The following DLGAP2 variants were observed in gnomAD, a reference collection of about 807,000 sequenced individuals.
The protein encoded by DLGAP2 is DLG associated protein 2, also known as disks large-associated protein 2.
Under a neutral mutation model 100.3 loss-of-function variants are expected in DLGAP2, and 26 were observed. That is an observed-to-expected ratio of 0.26 (90% CI 0.19 to 0.36). The LOEUF (loss-of-function observed/expected upper bound fraction) is 0.36, where lower values mean the gene tolerates loss of function less well. Among genes scored for constraint, DLGAP2 ranks in the 10% least tolerant of loss-of-function variants. The pLI is 1.00. For synonymous variants in DLGAP2, 886 were observed against 630.1 expected, an observed-to-expected ratio of 1.41 and a Z score of -6.08; for missense variants, 1,858 against 1,453.2, an observed-to-expected ratio of 1.28 and a Z score of -4.53.
In DLGAP2 at chr8:1,595,233, G is replaced by T. The variant is rs190421216; in HGVS notation, c.1442+29339G>T. Among the ~76,000 whole-genome samples, 5 of 152,000 alleles carry T rather than the reference G, an allele frequency of 3.3e-5. No homozygotes were observed. In the East Asian group the frequency reaches 5.8e-4, roughly 18 times the overall value. ...TTTTTGTATTTTTAGGAGAGACAGG[G>T]TTTTGCCATGTTTCCCAGGTTTTAC... is the stretch of plus-strand genomic sequence containing the variant. On this transcript the variant is annotated intron_variant, in intron 6 of 14. Coordinates refer to ENST00000637795, the MANE Select transcript of DLGAP2 (RefSeq NM_001346810.2).
In DLGAP2 at chr8:1,344,013, G is replaced by C. The variant is rs1324652358; in HGVS notation, c.106+85130G>C. Among the ~76,000 whole-genome samples, 3 of 152,052 alleles carry C rather than the reference G, an allele frequency of 2.0e-5. No homozygotes were observed. In the South Asian group the frequency reaches 6.2e-4, roughly 32 times the overall value. ...TGCATTTACCAACGTCCTATTCACA[G>C]ATGTTTCCGGTTCATTCACAGAATA... is the stretch of plus-strand genomic sequence containing the variant. On this transcript the variant is annotated intron_variant, in intron 3 of 14. Transcript: ENST00000637795.
At chr8:1,029,006 C>T (rs547964954) in intron 2 of DLGAP2, among the ~76,000 whole-genome samples, 37 of 152,166 alleles carry the variant, frequency 2.4e-4, no homozygotes, top group African/African-American at 7.9e-4. Context: ...CTTGTGAGGG[C>T]GAGGGATCCA....
intron 2 of DLGAP2, among the ~76,000 whole-genome samples, chr8:1,176,378 G>A (rs13251186): frequency 0.5 from 76,180 of 151,568 alleles, 20,173 homozygotes; most frequent in Admixed American, 0.62. Flanking sequence ...GGGACACAGA[G>A]CCAAACCATA....
intron 2 of DLGAP2, among the ~76,000 whole-genome samples, chr8:1,230,869 C>G (rs1041648723): frequency 1.3e-5 from 2 of 152,056 alleles, no homozygotes; most frequent in African/African-American, 2.4e-5. Flanking sequence ...AGATGAATTA[C>G]AAATTTAAAT....
chr8:1,183,347 A>G (rs1490403718), intron 2 of DLGAP2, among the ~76,000 whole-genome samples: 4 of 152,188 alleles, frequency 2.6e-5, no homozygotes, highest in Non-Finnish European at 5.9e-5. Context: ...TAGCCTAGCA[A>G]TTATTTACTT....
intron 1 of DLGAP2, among the ~76,000 whole-genome samples, chr8:787,797 G>C (rs1821913678): frequency 1.3e-5 from 2 of 152,346 alleles, no homozygotes; most frequent in Admixed American, 1.3e-4. Context: ...CTCTACACTG[G>C]TGGTGCTGTT....
At chr8:1,107,935 G>A (rs558765295) in intron 2 of DLGAP2, among the ~76,000 whole-genome samples, 5 of 152,294 alleles carry the variant, frequency 3.3e-5, no homozygotes, top group African/African-American at 4.8e-5. Context: ...TGCACAGAAC[G>A]TAACCCTGGG....
intron 2 of DLGAP2, among the ~76,000 whole-genome samples, chr8:1,205,589 C>A (rs543195240): frequency 6.6e-6 from 1 of 152,178 alleles, no homozygotes; most frequent in Non-Finnish European, 1.5e-5. Context: ...AACACAGAGG[C>A]ACCAAGAGCT....
At chr8:1,588,895 C>G (rs1456650910) in intron 6 of DLGAP2, among the ~76,000 whole-genome samples, 1 of 152,160 alleles carries the variant, frequency 6.6e-6, no homozygotes, top group Non-Finnish European at 1.5e-5. Flanking sequence ...GCACTCCAAC[C>G]TGGGCGACAG....
chr8:1,570,743 G>A (rs1397129692), intron 6 of DLGAP2, among the ~76,000 whole-genome samples: 1 of 148,134 alleles, frequency 6.8e-6, no homozygotes, highest in African/African-American at 2.6e-5. Flanking sequence ...GACATCTTCT[G>A]GGATGGAGAG....
chr8:903,108 C>T (rs577093964), intron 1 of DLGAP2, among the ~76,000 whole-genome samples: 3 of 151,850 alleles, frequency 2.0e-5, no homozygotes, highest in South Asian at 2.1e-4. Flanking sequence ...CCCAAGCGGC[C>T]GTCAGAGTCC....
chr8:1,318,166 T>C (rs1396298080), intron 3 of DLGAP2, among the ~76,000 whole-genome samples: 2 of 151,586 alleles, frequency 1.3e-5, no homozygotes, highest in Non-Finnish European at 2.9e-5. Context: ...CGTGTGTGAG[T>C]GCAGCGTCTC....
chr8:909,174 T>C (rs1008571047), intron 2 of DLGAP2, among the ~76,000 whole-genome samples: 19 of 152,370 alleles, frequency 1.2e-4, no homozygotes, highest in African/African-American at 4.3e-4. Flanking sequence ...CATATCTGCT[T>C]ACAGGGAAGC....
At position 1,288,033 on chromosome 8, in the gene DLGAP2, AGTGT is replaced by A. The variant is rs1243709084; in HGVS notation, c.106+29165_106+29168del. Among the ~76,000 whole-genome samples, 53 of 99,268 alleles carry A rather than the reference AGTGT, an allele frequency of 5.3e-4. 3 individuals are homozygous for A. The highest frequency in any genetic ancestry group is 1.6e-3 in the Admixed American group (15 of 9,206). The allele number at this position is 99,268 out of a possible 152,430, so 65.1% of individuals were successfully genotyped here. On this transcript the variant is annotated intron_variant, in intron 3 of 14. Transcript: ENST00000637795. ...CTGTTAGGGGGACTAGTTTCGGTTG[AGTGT>A]GTGTGTGTGTGTGTATGGTTCTGTT...
chr8:983,311 T>G (rs2129014854), intron 2 of DLGAP2, among the ~76,000 whole-genome samples: 2 of 151,106 alleles, frequency 1.3e-5, no homozygotes, highest in Middle Eastern at 6.8e-3. Flanking sequence ...TCCCTTAGAA[T>G]CCACGTGTTG....
chr8:1,438,688 T>C (rs1797729043), intron 3 of DLGAP2, among the ~76,000 whole-genome samples: 1 of 152,238 alleles, frequency 6.6e-6, no homozygotes, highest in Non-Finnish European at 1.5e-5. Flanking sequence ...GGATTTGATC[T>C]ATCACAATAC....
chr8:1,360,480 C>G (rs1000717794), intron 3 of DLGAP2, among the ~76,000 whole-genome samples: 1 of 152,166 alleles, frequency 6.6e-6, no homozygotes, highest in African/African-American at 2.4e-5. Flanking sequence ...AGGGACCCTG[C>G]CCCACTGCAT....
At chr8:1,033,458 G>A (rs75897460) in intron 2 of DLGAP2, among the ~76,000 whole-genome samples, 5,204 of 152,204 alleles carry the variant, frequency 0.034, 229 homozygotes, top group East Asian at 0.15. Flanking sequence ...CCTCAGCTGA[G>A]GAGTTCAAGA....
intron 2 of DLGAP2, among the ~76,000 whole-genome samples, chr8:1,164,173 A>G (rs11774811): frequency 0.58 from 15,897 of 27,408 alleles, 3,960 homozygotes; most frequent in Middle Eastern, 0.71. Flanking sequence ...AGGGCCCGTC[A>G]TTTTGGTTTG....
Sources: allele counts gnomAD v4.1 joint callset (sites outside exome capture counted in the v4.1 genomes callset), GRCh38; gene constraint gnomAD v4.1.1; transcripts MANE v1.5; gene names NCBI Gene and HGNC (gene_info 2026-07-23, HGNC 2026-07-21).